RIMBP2: variants seen among roughly 807,000 people sequenced by gnomAD.
The protein encoded by RIMBP2 is RIMS binding protein 2.
RIMBP2 carries 48 observed loss-of-function variants against 118.6 expected under a neutral mutation model. That is an observed-to-expected ratio of 0.40 (90% confidence interval 0.32 to 0.51). The LOEUF (loss-of-function observed/expected upper bound fraction) is 0.51, where lower values mean the gene tolerates loss of function less well. Ranked by LOEUF, RIMBP2 falls within the 20% of genes least tolerant of loss-of-function variation. The probability of loss-of-function intolerance (pLI) is 0.41; values close to 1 mark genes in which losing one functional copy is unlikely to be tolerated. For synonymous variants in RIMBP2, 762 were observed against 742.9 expected (o/e 1.03, Z -0.42); for missense variants, 1,551 against 1,768.3 (o/e 0.88, Z 2.20).
chr12:130,646,967 G>C (rs1194177652), intron 1 of RIMBP2, among the ~76,000 whole-genome samples: 1 of 152,228 alleles, frequency 6.6e-6, no homozygotes, highest in Non-Finnish European at 1.5e-5. Flanking sequence ...CCCAGCCTTA[G>C]CCTACGCAAT....
intron 5 of RIMBP2, among the ~76,000 whole-genome samples, chr12:130,476,275 C>T (rs1217561015): frequency 6.6e-6 from 1 of 152,174 alleles, no homozygotes; most frequent in Non-Finnish European, 1.5e-5. Context: ...CCCGTGACGG[C>T]AAGTTCAAGA....
chr12:130,640,134 A>T (rs567840233), intron 1 of RIMBP2, among the ~76,000 whole-genome samples: 2 of 152,298 alleles, frequency 1.3e-5, no homozygotes, highest in South Asian at 4.1e-4. Context: ...CAGACATTTC[A>T]GCCACCAAGG....
intron 19 of RIMBP2, among the ~76,000 whole-genome samples, chr12:130,409,332 CTTTTTTTTTTT>C (rs35015661): frequency 3.1e-5 from 2 of 65,384 alleles, no homozygotes; most frequent in Admixed American, 2.2e-4. Context: ...CAAAATGTAG[CTTTTTTTTTTT>C]TTTTTTTTTT....
At chr12:130,461,415 G>T (rs1030402005) in intron 6 of RIMBP2, among the ~76,000 whole-genome samples, 2 of 152,184 alleles carry the variant, frequency 1.3e-5, no homozygotes, top group African/African-American at 4.8e-5. Context: ...CTGTCCAAAG[G>T]GGCCGGTGCC....
chr12:130,432,107 A>C (rs555670796), intron 14 of RIMBP2: 85 of 399,006 alleles, frequency 2.1e-4, no homozygotes, highest in African/African-American at 1.8e-3. Flanking sequence ...CACCCAGAGA[A>C]CAAGTGCTCC....
At chr12:130,572,909 G>A (rs1167559750) in intron 2 of RIMBP2, among the ~76,000 whole-genome samples, 2 of 152,146 alleles carry the variant, frequency 1.3e-5, no homozygotes, top group East Asian at 1.9e-4. Flanking sequence ...GGAGGGCTGT[G>A]GGAGCTGTGA....
At chr12:130,490,599 G>A (rs546958722) in intron 4 of RIMBP2, among the ~76,000 whole-genome samples, 25 of 152,254 alleles carry the variant, frequency 1.6e-4, no homozygotes, top group African/African-American at 4.3e-4. Flanking sequence ...ATAACATCAC[G>A]GGGCAAAGGC....
At chr12:130,588,598 CAG>C (rs1404691420) in intron 2 of RIMBP2, among the ~76,000 whole-genome samples, 3 of 152,198 alleles carry the variant, frequency 2.0e-5, no homozygotes, top group African/African-American at 7.2e-5. Context: ...CAGCACCCAC[CAG>C]AGAGGTCCTC....
intron 22 of RIMBP2, 90 bp downstream of exon 22, chr12:130,399,589 C>A: frequency 6.8e-7 from 1 of 1,465,524 alleles, no homozygotes. Context: ...CTTTTCGGCC[C>A]AAGATATAAA....
intron 2 of RIMBP2, among the ~76,000 whole-genome samples, chr12:130,530,131 C>G (rs1401697128): frequency 6.6e-6 from 1 of 152,164 alleles, no homozygotes; most frequent in Non-Finnish European, 1.5e-5. Context: ...ATTCTTGGGA[C>G]AGTGGAACCT....
At chr12:130,595,778 T>C (rs944343678) in intron 2 of RIMBP2, among the ~76,000 whole-genome samples, 1 of 152,190 alleles carries the variant, frequency 6.6e-6, no homozygotes, top group Non-Finnish European at 1.5e-5. Context: ...GCAAACGCCC[T>C]GTGCCAGGGA....
intron 2 of RIMBP2, among the ~76,000 whole-genome samples, chr12:130,556,205 G>A (rs1282587372): frequency 2.0e-5 from 3 of 152,238 alleles, no homozygotes; most frequent in Non-Finnish European, 4.4e-5. Flanking sequence ...CCCTGGCAAC[G>A]TGCACTCTGT....
chr12:130,443,672 G>C (rs1038135598), intron 10 of RIMBP2, among the ~76,000 whole-genome samples: 2 of 152,286 alleles, frequency 1.3e-5, no homozygotes, highest in Middle Eastern at 3.4e-3. Context: ...CTCCACCTAG[G>C]GTGTGGGTCT....
At position 130,475,953 on chromosome 12, in the gene RIMBP2, C is replaced by T. The variant is rs900075182; in HGVS notation, c.102+2959G>A. On this transcript the variant is annotated intron_variant, in intron 5 of 22. Coordinates refer to ENST00000690449, the MANE Select transcript of RIMBP2 (RefSeq NM_001393629.1). This position sits in a 1 kb window ranked among gnomAD's most constrained non-coding sequence, Gnocchi z 4.1. ...TAAAGGAATTGGGGCACAGTGGCAT[C>T]GTCTGGCTTCCGGGTCTAAACCCGG... Among the ~76,000 whole-genome samples, 4 of 152,092 alleles carry T rather than the reference C, an allele frequency of 2.6e-5. No individual in the cohort carries two copies. Among genetic ancestry groups the T allele is most frequent in the Admixed American group, 2.0e-4 (3 of 15,290 alleles).
intron 3 of RIMBP2, among the ~76,000 whole-genome samples, chr12:130,507,015 C>T (rs1482129756): frequency 6.6e-6 from 1 of 152,136 alleles, no homozygotes; most frequent in Non-Finnish European, 1.5e-5. Context: ...GTGATTGGTT[C>T]AGGGTTGCAA....
Position 130,617,526 on chromosome 12 carries a change from T to C in RIMBP2, c.-217+10796A>G, listed in dbSNP as rs774419112. 1.3e-5 allele frequency among the ~76,000 whole-genome samples: 2 copies of C among 152,234 alleles called. No individual in the cohort carries two copies. Among genetic ancestry groups the C allele is most frequent in the Non-Finnish European group, 2.9e-5 (2 of 68,046 alleles). On this transcript the variant is annotated intron_variant, in intron 2 of 22. Coordinates refer to ENST00000690449, the MANE Select transcript of RIMBP2 (RefSeq NM_001393629.1). This position sits in a 1 kb window ranked among gnomAD's most constrained non-coding sequence, Gnocchi z 4.6. Reference sequence around the variant, plus strand: ...GCAGAAACGACAAGCAGGTTTCAGCTGACACCAGCTTTAGATACTGCTAGA... The same window carrying C: ...GCAGAAACGACAAGCAGGTTTCAGCCGACACCAGCTTTAGATACTGCTAGA...
intron 2 of RIMBP2, among the ~76,000 whole-genome samples, chr12:130,545,967 C>A (rs1315670670): frequency 6.6e-6 from 1 of 152,172 alleles, no homozygotes; most frequent in African/African-American, 2.4e-5. Context: ...GGGAAAAAAT[C>A]TTAACACAGC....
At chr12:130,529,886 C>T (rs1448654258) in intron 2 of RIMBP2, among the ~76,000 whole-genome samples, 1 of 152,154 alleles carries the variant, frequency 6.6e-6, no homozygotes, top group Non-Finnish European at 1.5e-5. Flanking sequence ...TATGCCGCCG[C>T]TGATCTGATA....
chr12:130,540,067 G>C (rs867038958), intron 2 of RIMBP2, among the ~76,000 whole-genome samples: 6 of 137,650 alleles, frequency 4.4e-5, no homozygotes, highest in Middle Eastern at 4.2e-3. Flanking sequence ...AAATGCAGTC[G>C]ATGAGGTGGC....
Sources: gnomAD v4.1 joint callset for allele counts (sites outside exome capture counted in the v4.1 genomes callset) on GRCh38, gnomAD v4.1.1 for gene constraint, Gnocchi (gnomAD v3.1) non-coding constraint, MANE v1.5 for transcripts, NCBI Gene and HGNC (gene_info 2026-07-23, HGNC 2026-07-21) for gene names.